DHODH: variants seen among roughly 807,000 people sequenced by gnomAD.
DHODH encodes dihydroorotate dehydrogenase (quinone), mitochondrial.
Under a neutral mutation model 39.7 loss-of-function variants are expected in DHODH, and 30 were observed. That is an observed-to-expected ratio of 0.76 (90% CI 0.57 to 1.02). The LOEUF (loss-of-function observed/expected upper bound fraction) is 1.02, where lower values mean the gene tolerates loss of function less well. DHODH is among the 50% of genes least tolerant of loss of function. DHODH has a pLI of 0.00. For missense variants in DHODH, 531 were observed against 520.8 expected (o/e 1.02, Z -0.19); for synonymous variants, 222 against 213.8 (o/e 1.04, Z -0.34).
intron 4 of DHODH, among the ~76,000 whole-genome samples, chr16:72,018,320 T>C (rs2041166232): frequency 6.6e-6 from 1 of 152,156 alleles, no homozygotes. Flanking sequence ...AAGAAACCAA[T>C]GGATATGGGA....
chr16:72,009,008 T>TGCTG (rs1201132834), intron 1 of DHODH: 9 of 1,448,904 alleles, frequency 6.2e-6, no homozygotes, highest in Non-Finnish European at 8.2e-6. Flanking sequence ...TCTGGGTGGG[T>TGCTG]GCTGATCTGA....
chr16:72,017,215 C>A, intron 4 of DHODH, 109 bp downstream of exon 4: 1 of 1,107,148 alleles, frequency 9.0e-7, no homozygotes, highest in Non-Finnish European at 1.3e-6. Flanking sequence ...ATAGCAAAAA[C>A]CACTGAGGAC....
rs1295778805 is a variant in DHODH, at chr16:72,022,398, A to G, written c.742A>G (p.Arg248Gly). 2 of 1,556,524 alleles carry G rather than the reference A, an allele frequency of 1.3e-6. No homozygotes were observed. The highest frequency in any genetic ancestry group is 3.9e-5 in the Admixed American group (2 of 51,688). The change falls in exon 6 of 9, where the codon AGG (arginine) becomes GGG (glycine). Residue 248 changes from arginine (R) to glycine (G), a missense_variant. Transcript: ENST00000219240. ...QERDGLRRVH[R>G]PAVLVKIAPD... The stretch of plus-strand genomic sequence containing the variant: ...GAGGGATGGCTTGCGGAGAGTGCAC[A>G]GGCCGGCAGTCCTGGTGAAGATCGC...
intron 4 of DHODH, among the ~76,000 whole-genome samples, chr16:72,019,395 G>T (rs1328559059): frequency 1.3e-5 from 2 of 152,086 alleles, no homozygotes; most frequent in Non-Finnish European, 2.9e-5. Context: ...ATCCTCTCTG[G>T]CCTGACAACA....
At chr16:72,022,186 T>A (rs545165838) in intron 5 of DHODH, among the ~76,000 whole-genome samples, 176 bp from the exon 6 acceptor site, 13 of 151,792 alleles carry the variant, frequency 8.6e-5, no homozygotes, top group African/African-American at 3.1e-4. Context: ...AAGAATGGAA[T>A]CGGATCCATC....
At chr16:72,015,380 A>G (rs1244922705) in intron 3 of DHODH, among the ~76,000 whole-genome samples, 2 of 152,228 alleles carry the variant, frequency 1.3e-5, no homozygotes, top group East Asian at 3.8e-4. Flanking sequence ...AATATTCAAC[A>G]TGCACAGCTG....
At chr16:72,021,499 C>T (rs2041217256) in intron 5 of DHODH, among the ~76,000 whole-genome samples, 188 bp downstream of exon 5, 2 of 152,290 alleles carry the variant, frequency 1.3e-5, no homozygotes, top group African/African-American at 2.4e-5. Context: ...TTATATGCGA[C>T]GGTGACAAAT....
rs1254191917 is a variant in DHODH, at chr16:72,020,062, G to C, written c.518-1062G>C. Among the ~76,000 whole-genome samples, 6 of 152,078 alleles carry C rather than the reference G, an allele frequency of 3.9e-5. No homozygotes were observed. In the East Asian group the frequency reaches 1.2e-3, roughly 29 times the overall value. On this transcript the variant is annotated intron_variant, in intron 4 of 8. Transcript: ENST00000219240. ...GGAGGCTGAGGTGGGCAGATCATGA[G>C]GTCTGGAGATGGAGACCATCCTGGC...
chr16:72,024,312 G>A lies in DHODH; in HGVS notation c.*113G>A. 8.3e-7 allele frequency: 1 copy of A among 1,199,860 alleles called. No homozygotes were observed. Among genetic ancestry groups the A allele is most frequent in the Non-Finnish European group, 1.2e-6 (1 of 815,072 alleles). The allele number at this position is 1,199,860 out of a possible 1,614,324, so 74.3% of individuals were successfully genotyped here. On this transcript the variant is annotated 3_prime_UTR_variant, in exon 9 of 9. Coordinates refer to ENST00000219240, the MANE Select transcript of DHODH (RefSeq NM_001361.5). ...ATCTTGAGCCATGTCCCCCAGCCAT[G>A]GCATGGCTGCACTGTAAACGCCAAT...
rs1255260558 is a variant in DHODH, at chr16:72,024,959, ACT to A, written c.*763_*764del. 1 of 152,256 alleles carries A rather than the reference ACT, an allele frequency of 6.6e-6. No individual in the cohort carries two copies. Among genetic ancestry groups the A allele is most frequent in the Non-Finnish European group, 1.5e-5 (1 of 68,116 alleles). 9.4% of individuals were successfully genotyped at this position (152,256 alleles called of 1,614,324 possible). ...ACTCCAGCTTGGGCGACAGATCAAG[ACT>A]CTGTCACACACAAAACAAACAAACA... On this transcript the variant is annotated 3_prime_UTR_variant, in exon 9 of 9. Coordinates refer to ENST00000219240, the MANE Select transcript of DHODH (RefSeq NM_001361.5).
At position 72,023,576 on chromosome 16, in the gene DHODH, C is replaced by G. The variant is rs1361624782; in HGVS notation, c.1076C>G (p.Thr359Ser). ...ASLVQLYTAL[T>S]FWGPPVVGKV... ...CTGGTGCAGCTGTACACGGCCCTCA[C>G]CTTCTGGGGGCCACCCGTTGTGGGC... Residue 359 changes from threonine to serine, a missense_variant, in exon 8 of 9, where the codon ACC becomes AGC. Thr to Ser is a moderately conservative substitution (Grantham distance 58). Coordinates refer to ENST00000219240, the MANE Select transcript of DHODH (RefSeq NM_001361.5). The G allele has an allele frequency of 1.2e-6, 2 of 1,614,094 alleles. No homozygotes were observed. Among genetic ancestry groups the G allele is most frequent in the South Asian group, 2.2e-5 (2 of 91,078 alleles).
In DHODH at chr16:72,023,512, G is replaced by A. The variant is rs757641628; in HGVS notation, c.1012G>A (p.Gly338Arg). 2.5e-6 allele frequency: 4 copies of A among 1,614,126 alleles called. No homozygotes were observed. The highest frequency in any genetic ancestry group is 1.1e-5 in the South Asian group (1 of 91,078). ...PIIGVGGVSSGQDALEKIRAG... is the reference protein window; with the variant it reads ...PIIGVGGVSSRQDALEKIRAG... ...AATTGGGGTTGGTGGTGTGAGCAGC[G>A]GGCAGGACGCGCTGGAGAAGATCCG... Residue 338 changes from glycine to arginine, a missense_variant, in exon 8 of 9, where the codon GGG (glycine) becomes AGG (arginine). By Grantham distance (125) the Gly-to-Arg change is moderately radical. Transcript: ENST00000219240.
intron 2 of DHODH, 85 bp downstream of exon 2, chr16:72,012,347 G>A (rs1290498136): frequency 1.6e-5 from 20 of 1,253,054 alleles, no homozygotes; most frequent in Non-Finnish European, 2.2e-5. Context: ...TGATCTTTTT[G>A]AAAACCAGAA....
rs60652629 is a variant in DHODH, at chr16:72,020,329, G to GTATATATATATA, written c.518-781_518-770dup. 1.1e-3 allele frequency: 117 copies of GTATATATATATA among 102,114 alleles called. 3 individuals are homozygous for GTATATATATATA. The highest frequency in any genetic ancestry group is 4.9e-3 in the African/African-American group (109 of 22,172). The allele number at this position is 102,114 out of a possible 1,614,324, so 6.3% of individuals were successfully genotyped here. On this transcript the variant is annotated intron_variant, in intron 4 of 8. Transcript: ENST00000219240. ...TATATATATGTGTATATGTATATGT[G>GTATATATATATA]TATATATATATATATATATATATAT...
chr16:72,023,756 C>T, intron 8 of DHODH, 123 bp downstream of exon 8: 1 of 1,380,704 alleles, frequency 7.2e-7, no homozygotes, highest in Non-Finnish European at 1.0e-6. Context: ...GGGGTACACT[C>T]TGAAGGGGAG....
chr16:72,012,039 C>A lies in DHODH; in HGVS notation c.22-11C>A. ...GCCTGGGGGACCCCCCTAATATGCTCTTTTTTGCAGAAGCGGGCCCAGGAT... is the reference window on the plus strand; with the variant it reads ...GCCTGGGGGACCCCCCTAATATGCTATTTTTTGCAGAAGCGGGCCCAGGAT... On this transcript the variant is annotated splice_polypyrimidine_tract_variant and intron_variant, in intron 1 of 8. Coordinates refer to ENST00000219240, the MANE Select transcript of DHODH (RefSeq NM_001361.5). 1 of 1,613,810 alleles carries A rather than the reference C, an allele frequency of 6.2e-7. No homozygotes were observed. The highest frequency in any genetic ancestry group is 1.3e-5 in the African/African-American group (1 of 75,028).
intron 8 of DHODH, 143 bp downstream of exon 8, chr16:72,023,776 G>A: frequency 2.4e-6 from 3 of 1,225,202 alleles, no homozygotes; most frequent in Non-Finnish European, 3.5e-6. Context: ...GAGAAATTCT[G>A]GGTTACTCTT....
chr16:72,012,624 G>T (rs569549430), intron 2 of DHODH, among the ~76,000 whole-genome samples: 1 of 152,328 alleles, frequency 6.6e-6, no homozygotes, highest in Non-Finnish European at 1.5e-5. Context: ...AGAGTCTGAC[G>T]CTGGCTTCCC....
rs1440540605 is a variant in DHODH at position 72,023,285 on chromosome 16, C to G, written c.940C>G (p.Gln314Glu). 5 of 1,614,060 alleles carry G rather than the reference C, an allele frequency of 3.1e-6. No individual in the cohort carries two copies. The highest frequency in any genetic ancestry group is 4.2e-6 in the Non-Finnish European group (5 of 1,180,040). ...SGKPLRDLST[Q>E]TIREMYALTQ... ...GAAGCCCCTCCGGGATTTATCAACTCAAACCATTCGGGAGATGTATGCACT... is the reference window on the plus strand; with the variant it reads ...GAAGCCCCTCCGGGATTTATCAACTGAAACCATTCGGGAGATGTATGCACT... Residue 314 changes from glutamine to glutamate, a missense_variant, in exon 7 of 9, where the codon CAA becomes GAA. Transcript: ENST00000219240.
Sources: gnomAD v4.1 joint callset for allele counts (sites outside exome capture counted in the v4.1 genomes callset) on GRCh38, gnomAD v4.1.1 for gene constraint, MANE v1.5 for transcripts, NCBI Gene and HGNC (gene_info 2026-07-23, HGNC 2026-07-21) for gene names.